The following CDCA5 variants were observed in gnomAD, a reference collection of about 807,000 sequenced individuals.
CDCA5 encodes the protein sororin.
Under a neutral mutation model 25.7 loss-of-function variants are expected in CDCA5, and 14 were observed. That is an observed-to-expected ratio of 0.54 (90% CI 0.36 to 0.85). CDCA5 has a LOEUF of 0.85. Among genes scored for constraint, CDCA5 ranks in the 40% least tolerant of loss-of-function variants. The probability of loss-of-function intolerance (pLI) is 0.01; values close to 1 mark genes in which losing one functional copy is unlikely to be tolerated. For missense variants in CDCA5, 307 were observed against 324.5 expected (o/e 0.95, Z 0.41); for synonymous variants, 127 against 128.7 (o/e 0.99, Z 0.09).
rs754077348 is a variant in CDCA5 at position 65,079,424 on chromosome 11, T to C, written c.607A>G (p.Met203Val). The change falls in exon 5 of 6, where the codon ATG (methionine) becomes GTG (valine). Residue 203 changes from methionine to valine, a missense_variant. Coordinates refer to ENST00000275517, the MANE Select transcript of CDCA5 (RefSeq NM_080668.4). The part of the protein sequence containing the change: ...RVCAKPWAPD[M>V]TLPGISPPPE... ...GGTGGGGAGATTCCAGGGAGAGTCA[T>C]GTCTGGGGCCCAGGGCTTTGCACAA... 7.4e-6 allele frequency: 12 copies of C among 1,614,134 alleles called. No individual in the cohort carries two copies. The highest frequency in any genetic ancestry group is 4.5e-5 in the East Asian group (2 of 44,876).
chr11:65,076,873 G>A (rs1207741628), downstream of CDCA5, among the ~76,000 whole-genome samples: 1 of 152,200 alleles, frequency 6.6e-6, no homozygotes, highest in Non-Finnish European at 1.5e-5. Context: ...TCGGGAGGGT[G>A]TTTGCTTCCC....
chr11:65,075,318 A>G (rs1430075094), downstream of CDCA5, among the ~76,000 whole-genome samples: 2 of 152,106 alleles, frequency 1.3e-5, no homozygotes, highest in African/African-American at 4.8e-5. Context: ...AATCACTTGA[A>G]CCCAGGAGGT....
At position 65,079,378 on chromosome 11, in the gene CDCA5, T is replaced by C. The variant is rs1225921314; in HGVS notation, c.653A>G (p.Lys218Arg). 2 of 1,613,914 alleles carry C rather than the reference T, an allele frequency of 1.2e-6. No individual in the cohort carries two copies. Among genetic ancestry groups the C allele is most frequent in the East Asian group, 2.2e-5 (1 of 44,880 alleles). Residue 218 changes from lysine to arginine, a missense_variant, in exon 5 of 6, where the codon AAG becomes AGG. Coordinates refer to ENST00000275517, the MANE Select transcript of CDCA5 (RefSeq NM_080668.4). ...ISPPPEKQKR[K>R]KKKMPEILKT... is the part of the protein sequence containing the mutation. ...CAAGATCTCTGGCATTTTCTTCTTCTTACGTTTCTGTTTCTCGGGTGGTGG... is the reference window on the plus strand; with the variant it reads ...CAAGATCTCTGGCATTTTCTTCTTCCTACGTTTCTGTTTCTCGGGTGGTGG...
chr11:65,081,454 A>G (rs995672055), intron 4 of CDCA5, among the ~76,000 whole-genome samples: 1 of 151,890 alleles, frequency 6.6e-6, no homozygotes, highest in African/African-American at 2.4e-5. Flanking sequence ...GGGAAGCTGA[A>G]CAAATTGGTG....
intron 1 of CDCA5, among the ~76,000 whole-genome samples, chr11:65,070,539 AGTG>A (rs1379975037): frequency 5.9e-5 from 9 of 152,320 alleles, no homozygotes; most frequent in African/African-American, 2.2e-4. Flanking sequence ...GCTGGAGTGC[AGTG>A]GCACCCTCAT....
At position 65,079,020 on chromosome 11, in the gene CDCA5, A is replaced by T. The variant is rs545138421; in HGVS notation, c.*87T>A. 164 of 1,385,586 alleles carry T rather than the reference A, an allele frequency of 1.2e-4. No homozygotes were observed. In the East Asian group the frequency reaches 4.1e-3, roughly 35 times the overall value. 85.8% of individuals were successfully genotyped at this position (1,385,586 alleles called of 1,614,324 possible). On this transcript the variant is annotated 3_prime_UTR_variant, in exon 6 of 6. Transcript: ENST00000275517. ...CACACACAGGTAACAAGACCAGGGG[A>T]GGGGACCCTAAGTGTCCTCTCCACA...
In CDCA5 at chr11:65,077,914, A is replaced by G; in HGVS notation, c.*1193T>C. The G allele has an allele frequency of 1.0e-6, 1 of 985,668 alleles. No individual in the cohort carries two copies. Among genetic ancestry groups the G allele is most frequent in the Non-Finnish European group, 1.2e-6 (1 of 830,044 alleles). 61.1% of individuals were successfully genotyped at this position (985,668 alleles called of 1,614,324 possible). A position where few individuals can be genotyped will look rare whatever the true frequency, so the allele number is the denominator to read the frequency against. On this transcript the variant is annotated 3_prime_UTR_variant, in exon 6 of 6. Coordinates refer to ENST00000275517, the MANE Select transcript of CDCA5 (RefSeq NM_080668.4). The stretch of plus-strand genomic sequence containing the variant: ...CGAACTTCTAAACATCAAAAGGTAC[A>G]ATGGCCAGGGGTGCGGCAGGAGAGT...
chr11:65,072,938 C>CTTTTTTTTTT (rs751923442), downstream of CDCA5, among the ~76,000 whole-genome samples: 2 of 99,960 alleles, frequency 2.0e-5, no homozygotes, highest in Non-Finnish European at 4.0e-5. Context: ...TTATTTCATT[C>CTTTTTTTTTT]TTTTTTTTTT....
At chr11:65,071,193 T>C (rs530029049) in intron 1 of CDCA5, among the ~76,000 whole-genome samples, 46 of 151,838 alleles carry the variant, frequency 3.0e-4, no homozygotes, top group East Asian at 1.2e-3. Flanking sequence ...CTGCCCGCCT[T>C]GGCCTCCCAA....
At chr11:65,067,982 T>C (rs968055940) in intron 3 of CDCA5, 10 of 1,225,304 alleles carry the variant, frequency 8.2e-6, no homozygotes, top group South Asian at 1.3e-5. Context: ...TGCATGTGCC[T>C]GCATGGGCAC....
exon 7 of CDCA5, chr11:65,066,392 C>A: frequency 8.2e-7 from 1 of 1,212,430 alleles, no homozygotes. Context: ...TGGGGCCTGG[C>A]CAGGCCTGAC....
At chr11:65,081,735 G>A (rs1947571236) in intron 4 of CDCA5, among the ~76,000 whole-genome samples, 1 of 152,162 alleles carries the variant, frequency 6.6e-6, no homozygotes, top group African/African-American at 2.4e-5. Flanking sequence ...GGAGGCCAAG[G>A]TGGGAGGATC....
chr11:65,074,840 T>A (rs1947409866), downstream of CDCA5, among the ~76,000 whole-genome samples: 1 of 149,832 alleles, frequency 6.7e-6, no homozygotes, highest in Non-Finnish European at 1.5e-5. Context: ...GGAGGGTGGA[T>A]CACCTGAGGT....
chr11:65,061,692 G>A (rs200499813), downstream of CDCA5, among the ~76,000 whole-genome samples: 6 of 148,454 alleles, frequency 4.0e-5, no homozygotes, highest in South Asian at 4.5e-4. Flanking sequence ...GGAGAATGGC[G>A]TGAACCTGGG....
At chr11:65,066,487 C>T (rs898725519) in intron 6 of CDCA5, 12 of 1,288,816 alleles carry the variant, frequency 9.3e-6, no homozygotes, top group Non-Finnish European at 1.2e-5. Context: ...CAGGCAGAGA[C>T]AGCTCGAGTG....
At chr11:65,077,042 C>T (rs1448114565), downstream of CDCA5, among the ~76,000 whole-genome samples, 1 of 152,182 alleles carries the variant, frequency 6.6e-6, no homozygotes, top group Non-Finnish European at 1.5e-5. Context: ...AATCCCAACA[C>T]TTTGGGAGGC....
chr11:65,068,033 G>T (rs1216674380), exon 3 of CDCA5: 2 of 1,288,800 alleles, frequency 1.6e-6, no homozygotes, highest in East Asian at 1.1e-4. Flanking sequence ...TTACGATTCA[G>T]GGTCTTTTGG....
chr11:65,080,047 C>T (rs886522977), intron 4 of CDCA5, among the ~76,000 whole-genome samples: 5 of 152,014 alleles, frequency 3.3e-5, no homozygotes, highest in Admixed American at 2.6e-4. Flanking sequence ...CCCGCCACCT[C>T]GCCCGGCTAA....
At chr11:65,069,472 A>C (rs1167500174) in intron 1 of CDCA5, among the ~76,000 whole-genome samples, 1 of 151,994 alleles carries the variant, frequency 6.6e-6, no homozygotes, top group African/African-American at 2.4e-5. Context: ...ACAATTCCTG[A>C]CCACGTGACA....
Sources: gnomAD v4.1 joint callset for allele counts (sites outside exome capture counted in the v4.1 genomes callset) on GRCh38, gnomAD v4.1.1 for gene constraint, MANE v1.5 for transcripts, NCBI Gene and HGNC (gene_info 2026-07-23, HGNC 2026-07-21) for gene names.